The following TNRC6C variants were observed in gnomAD, a reference collection of about 807,000 sequenced individuals.
TNRC6C encodes trinucleotide repeat-containing gene 6C protein.
A neutral mutation model predicts 153.7 loss-of-function variants in TNRC6C; 20 were observed. That is an observed-to-expected ratio of 0.13 (90% CI 0.09 to 0.19). The LOEUF (loss-of-function observed/expected upper bound fraction) is 0.19. Ranked by LOEUF, TNRC6C falls within the 10% of genes least tolerant of loss-of-function variation. The pLI is 1.00. For missense variants in TNRC6C, 1,987 were observed against 2,172.0 expected (o/e 0.91, Z 1.69); for synonymous variants, 811 against 841.4 (o/e 0.96, Z 0.63).
At chr17:78,024,858 G>T (rs868186224) in intron 1 of TNRC6C, among the ~76,000 whole-genome samples, 58 of 151,394 alleles carry the variant, frequency 3.8e-4, no homozygotes, top group African/African-American at 1.3e-3. Context: ...GCAATGGTGC[G>T]ATCTCAGCTC....
At chr17:78,086,813 C>A in intron 12 of TNRC6C, 40 bp from the exon 15 acceptor site, 1 of 1,602,908 alleles carries the variant, frequency 6.2e-7, no homozygotes. Context: ...ATGAGTGTCC[C>A]TTCCCACCTA....
intron 2 of TNRC6C, among the ~76,000 whole-genome samples, chr17:78,042,858 G>A (rs2072328132): frequency 6.6e-6 from 1 of 151,990 alleles, no homozygotes; most frequent in South Asian, 2.1e-4. Context: ...GTGATGATGA[G>A]GAAGAGGAGA....
At chr17:77,984,018 T>C (rs1385745322) in intron 1 of TNRC6C, among the ~76,000 whole-genome samples, 1 of 152,206 alleles carries the variant, frequency 6.6e-6, no homozygotes, top group Non-Finnish European at 1.5e-5. Context: ...ATAGAGGGTG[T>C]GTATGGAAGC....
intron 1 of TNRC6C, among the ~76,000 whole-genome samples, chr17:77,997,498 C>T (rs1356605246): frequency 1.3e-5 from 2 of 152,098 alleles, no homozygotes; most frequent in Non-Finnish European, 2.9e-5. Context: ...AGACCTTTAT[C>T]TTTAGCTCTG....
intron 1 of TNRC6C, among the ~76,000 whole-genome samples, chr17:77,981,138 G>A (rs909330156): frequency 1.3e-5 from 2 of 152,100 alleles, no homozygotes; most frequent in Non-Finnish European, 2.9e-5. Context: ...ATCATGCTAG[G>A]CTAATTTTTT....
At chr17:78,090,003 A>G (rs1295782401) in intron 13 of TNRC6C, among the ~76,000 whole-genome samples, 2 of 152,124 alleles carry the variant, frequency 1.3e-5, no homozygotes, top group Admixed American at 6.5e-5. Flanking sequence ...AAGCCCTGAC[A>G]TTGTTGCCAC....
intron 1 of TNRC6C, among the ~76,000 whole-genome samples, chr17:77,962,068 C>T (rs1451094792): frequency 1.3e-5 from 2 of 152,150 alleles, no homozygotes; most frequent in Non-Finnish European, 2.9e-5. Context: ...TTTACATTAC[C>T]TCTCCAACCC....
intron 3 of TNRC6C, among the ~76,000 whole-genome samples, chr17:78,058,955 G>A (rs1043255037): frequency 1.3e-5 from 2 of 152,176 alleles, no homozygotes; most frequent in Non-Finnish European, 2.9e-5. Flanking sequence ...CATGGAAGAG[G>A]CATATCTCCA....
At chr17:78,051,630 T>A (rs763449210) in intron 3 of TNRC6C, among the ~76,000 whole-genome samples, 182 bp downstream of exon 5, 9 of 152,100 alleles carry the variant, frequency 5.9e-5, no homozygotes, top group Non-Finnish European at 1.2e-4. Context: ...CAAAGTAGGA[T>A]CCTCTGGTGG....
At chr17:77,989,397 T>C (rs1277525650) in intron 1 of TNRC6C, among the ~76,000 whole-genome samples, 2 of 152,234 alleles carry the variant, frequency 1.3e-5, no homozygotes, top group Non-Finnish European at 2.9e-5. Context: ...TGTTGTAATA[T>C]ATGCTGAGTT....
At chr17:78,078,483 T>G (rs955044353) in intron 9 of TNRC6C, among the ~76,000 whole-genome samples, 4 of 152,238 alleles carry the variant, frequency 2.6e-5, no homozygotes, top group African/African-American at 9.6e-5. Flanking sequence ...ATTTCCTGTT[T>G]GAAATGTTGC....
chr17:78,057,076 AG>A (rs1255903024), intron 3 of TNRC6C, among the ~76,000 whole-genome samples: 4 of 152,226 alleles, frequency 2.6e-5, no homozygotes, highest in African/African-American at 9.6e-5. Context: ...ACCAATTAAA[AG>A]AGACAAATAA....
In TNRC6C at chr17:78,063,752, G is replaced by A. The variant is rs190129301; in HGVS notation, c.2396-970G>A. The stretch of plus-strand genomic sequence containing the variant: ...GACTTTACCTTTATGTTTTTAATCT[G>A]CCATCTTCTCATTTCTTTGCCCAGA... On this transcript the variant is annotated intron_variant, in intron 3 of 19. Coordinates refer to ENST00000301624, the Ensembl canonical transcript of TNRC6C. Among the ~76,000 whole-genome samples the A allele has an allele frequency of 7.2e-5, 11 of 152,174 alleles. No individual in the cohort carries two copies. In the East Asian group the frequency reaches 2.1e-3, roughly 29 times the overall value.
At chr17:77,964,779 T>G (rs901204402) in intron 1 of TNRC6C, among the ~76,000 whole-genome samples, 4 of 152,132 alleles carry the variant, frequency 2.6e-5, no homozygotes, top group Admixed American at 2.0e-4. Context: ...GCACAAGTAT[T>G]TTTTCTCATA....
intron 13 of TNRC6C, 141 bp downstream of exon 15, chr17:78,087,234 A>T (rs977467656): frequency 1.4e-6 from 2 of 1,417,548 alleles, no homozygotes; most frequent in Non-Finnish European, 1.9e-6. Context: ...GCAGCCCCAG[A>T]CAAAATCGGA....
intron 13 of TNRC6C, 178 bp from the exon 16 acceptor site, chr17:78,091,262 G>T (rs1056292433): frequency 2.6e-5 from 15 of 571,526 alleles, no homozygotes; most frequent in Non-Finnish European, 3.2e-5. Flanking sequence ...GGAGGCGGAG[G>T]TTGCAATGAG....
chr17:77,993,240 G>A (rs753659071), intron 1 of TNRC6C, among the ~76,000 whole-genome samples: 3 of 152,214 alleles, frequency 2.0e-5, no homozygotes, highest in Non-Finnish European at 4.4e-5. Flanking sequence ...GGGATTACAG[G>A]CGTGAGCCAC....
intron 2 of TNRC6C, among the ~76,000 whole-genome samples, chr17:78,038,351 AC>A (rs2072221844): frequency 6.6e-6 from 1 of 152,154 alleles, no homozygotes; most frequent in Admixed American, 6.5e-5. Flanking sequence ...TCATAGAACT[AC>A]CACAAATGGG....
intron 15 of TNRC6C, 46 bp from the exon 18 acceptor site, chr17:78,093,574 T>C (rs2073430260): frequency 6.2e-7 from 1 of 1,600,386 alleles, no homozygotes; most frequent in African/African-American, 1.3e-5. Flanking sequence ...TGAATCAATG[T>C]GCCGGTGTTC....
Sources: gnomAD v4.1 joint callset for allele counts (sites outside exome capture counted in the v4.1 genomes callset) on GRCh38, gnomAD v4.1.1 for gene constraint, MANE v1.5 for transcripts, NCBI Gene and HGNC (gene_info 2026-07-23, HGNC 2026-07-21) for gene names.